The following ABAT variants were observed in gnomAD, a reference collection of about 807,000 sequenced individuals.
ABAT encodes 4-aminobutyrate aminotransferase, mitochondrial.
ABAT carries 45 observed loss-of-function variants against 64.6 expected under a neutral mutation model. The ratio of observed to expected loss-of-function variants is 0.70; its 90% confidence interval spans 0.55 to 0.89. ABAT has a LOEUF of 0.89. ABAT is among the 40% of genes least tolerant of loss of function. ABAT has a pLI of 0.00. For synonymous variants in ABAT, 297 were observed against 250.5 expected (o/e 1.19, Z -1.75); for missense variants, 633 against 658.4 (o/e 0.96, Z 0.42).
intron 1 of ABAT, among the ~76,000 whole-genome samples, chr16:8,724,241 C>A (rs974189411): frequency 6.6e-6 from 1 of 152,088 alleles, no homozygotes; most frequent in Non-Finnish European, 1.5e-5. Context: ...CATCACTAAT[C>A]TATCACATTT....
chr16:8,689,955 A>T (rs1383414112), intron 1 of ABAT, among the ~76,000 whole-genome samples: 1 of 152,188 alleles, frequency 6.6e-6, no homozygotes. Context: ...TAGAACAACT[A>T]TCCTAAGAAC....
intron 1 of ABAT, among the ~76,000 whole-genome samples, chr16:8,695,605 G>T (rs1348986018): frequency 6.6e-6 from 1 of 152,208 alleles, no homozygotes; most frequent in African/African-American, 2.4e-5. Context: ...AAAAGCATCA[G>T]TGATGTCTGG....
chr16:8,757,039 C>T (rs1196516843), intron 5 of ABAT, among the ~76,000 whole-genome samples: 2 of 152,100 alleles, frequency 1.3e-5, no homozygotes, highest in African/African-American at 4.8e-5. Context: ...AAACATTTGT[C>T]GAGATTTGAC....
At chr16:8,726,016 C>G (rs2058541610) in intron 1 of ABAT, among the ~76,000 whole-genome samples, 1 of 152,040 alleles carries the variant, frequency 6.6e-6, no homozygotes, top group Non-Finnish European at 1.5e-5. Context: ...TGCCTAAACA[C>G]AGACCCTTCT....
intron 6 of ABAT, chr16:8,760,418 T>C (rs1157371600): frequency 6.6e-6 from 1 of 152,216 alleles, no homozygotes; most frequent in African/African-American, 2.4e-5. Context: ...TAAAACGTAC[T>C]TCACTTTAAA....
intron 11 of ABAT, among the ~76,000 whole-genome samples, chr16:8,772,277 TG>T (rs1398438909): frequency 2.1e-4 from 17 of 82,106 alleles, no homozygotes; most frequent in African/African-American, 1.3e-3. Flanking sequence ...TGTGTGTGTG[TG>T]TGTGTGTGTG....
At chr16:8,702,409 C>G (rs965425190) in intron 1 of ABAT, among the ~76,000 whole-genome samples, 2 of 152,100 alleles carry the variant, frequency 1.3e-5, no homozygotes, top group African/African-American at 4.8e-5. Flanking sequence ...TGCACCACCA[C>G]GCCCAGTTAA....
chr16:8,715,730 A>G (rs560921518), intron 1 of ABAT: 1 of 151,504 alleles, frequency 6.6e-6, no homozygotes, highest in South Asian at 2.1e-4. Flanking sequence ...TATTTATAGT[A>G]TTTTTATGTC....
intron 2 of ABAT, among the ~76,000 whole-genome samples, chr16:8,742,926 C>T (rs9925620): frequency 0.021 from 2,868 of 139,162 alleles, 98 homozygotes; most frequent in African/African-American, 0.07. Context: ...GTCCTAGCTA[C>T]GTGGGAGGCT....
chr16:8,764,146 C>G lies in ABAT; in HGVS notation c.444C>G (p.Leu148=). 2 of 1,613,250 alleles carry G rather than the reference C, an allele frequency of 1.2e-6. No homozygotes were observed. Among genetic ancestry groups the G allele is most frequent in the Middle Eastern group, 1.6e-4 (1 of 6,062 alleles). Residue 148 remains leucine, a synonymous_variant, in exon 7 of 16, where the codon CTC becomes CTG. Coordinates refer to ENST00000268251, the MANE Select transcript of ABAT (RefSeq NM_020686.6). This position sits in a 1 kb window ranked among gnomAD's most constrained non-coding sequence, Gnocchi z 4.2. ...TGGAGAAGCTCCGGCAGTCCTTGCT[C>G]TCGGTGAGTTCTGGAGAAGCAATCC... ...NFVEKLRQSL[L]SVAPKGMSQL...
chr16:8,698,839 G>A (rs756860508), intron 1 of ABAT, among the ~76,000 whole-genome samples: 1 of 152,088 alleles, frequency 6.6e-6, no homozygotes, highest in Non-Finnish European at 1.5e-5. Flanking sequence ...CCAGCTACTC[G>A]AGAGGCTGAG....
intron 6 of ABAT, among the ~76,000 whole-genome samples, chr16:8,763,722 A>G (rs1271673653): frequency 1.3e-5 from 2 of 152,168 alleles, no homozygotes; most frequent in African/African-American, 4.8e-5. Flanking sequence ...AGCCATTCTG[A>G]TGGTTAAATA....
chr16:8,709,013 A>G (rs2058011950), intron 1 of ABAT, among the ~76,000 whole-genome samples: 2 of 152,136 alleles, frequency 1.3e-5, no homozygotes, highest in South Asian at 4.1e-4. Flanking sequence ...GCTCATCTGA[A>G]TGGGGGTGTG....
Position 8,735,814 on chromosome 16 carries a change from G to T in ABAT, c.70+5G>T. 1 of 1,599,192 alleles carries T rather than the reference G, an allele frequency of 6.3e-7. No homozygotes were observed. Among genetic ancestry groups the T allele is most frequent in the Non-Finnish European group, 8.5e-7 (1 of 1,173,028 alleles). ...GCTACCGCCTGCTGGTGCCTGGTAA[G>T]CCCCGGGGGTCTTGATAAGAACTGG... On this transcript the variant is annotated splice_donor_5th_base_variant and intron_variant, in intron 2 of 15. Transcript: ENST00000268251.
At chr16:8,693,949 A>G (rs2057642859) in intron 1 of ABAT, among the ~76,000 whole-genome samples, 1 of 152,186 alleles carries the variant, frequency 6.6e-6, no homozygotes, top group South Asian at 2.1e-4. Context: ...ACTAACCCAT[A>G]GAGTACAATA....
chr16:8,719,766 GAGGAGA>G (rs1003752525), intron 1 of ABAT, among the ~76,000 whole-genome samples: 12 of 147,740 alleles, frequency 8.1e-5, no homozygotes, highest in African/African-American at 2.5e-4. Context: ...GGAGGAGGAG[GAGGAGA>G]AGGAGAAGGA....
intron 1 of ABAT, among the ~76,000 whole-genome samples, chr16:8,731,757 T>G (rs1051721746): frequency 2.6e-5 from 4 of 152,146 alleles, no homozygotes. Flanking sequence ...GCTCCAGAAC[T>G]ACTTCATCCT....
At chr16:8,688,469 G>A (rs2057507110) in intron 1 of ABAT, among the ~76,000 whole-genome samples, 1 of 152,158 alleles carries the variant, frequency 6.6e-6, no homozygotes, top group African/African-American at 2.4e-5. Flanking sequence ...CCTCAAGTCT[G>A]TATAGACTTA....
chr16:8,769,557 C>CAAAA (rs35002036), intron 11 of ABAT, among the ~76,000 whole-genome samples: 7 of 86,728 alleles, frequency 8.1e-5, no homozygotes, highest in African/African-American at 1.4e-4. Context: ...AGACTCTGTC[C>CAAAA]AAAAAAAAAA....
Sources: allele counts gnomAD v4.1 joint callset (sites outside exome capture counted in the v4.1 genomes callset), GRCh38; gene constraint gnomAD v4.1.1; non-coding constraint Gnocchi (gnomAD v3.1); transcripts MANE v1.5; gene names NCBI Gene and HGNC (gene_info 2026-07-23, HGNC 2026-07-21).